CPQ: variants seen among roughly 807,000 people sequenced by gnomAD.
CPQ encodes Ser-Met dipeptidase.
CPQ carries 37 observed loss-of-function variants against 45.7 expected under a neutral mutation model. That is an observed-to-expected ratio of 0.81 (90% confidence interval 0.62 to 1.07). The LOEUF is 1.07. Among genes scored for constraint, CPQ ranks in the 50% least tolerant of loss-of-function variants. CPQ has a pLI of 0.00. For synonymous variants in CPQ, 186 were observed against 205.8 expected, an observed-to-expected ratio of 0.90 and a Z score of 0.82; for missense variants, 537 against 572.9, an observed-to-expected ratio of 0.94 and a Z score of 0.64.
intron 5 of CPQ, among the ~76,000 whole-genome samples, chr8:97,023,127 A>G (rs139658297): frequency 8.4e-4 from 122 of 145,924 alleles, no homozygotes; most frequent in African/African-American, 2.9e-3. Context: ...TATATATACT[A>G]TATATGTTAC....
chr8:96,655,561 T>G (rs1351536672), intron 1 of CPQ, among the ~76,000 whole-genome samples: 1 of 152,212 alleles, frequency 6.6e-6, no homozygotes, highest in Non-Finnish European at 1.5e-5. Context: ...AGATCTTCAT[T>G]TTTTAGTCTG....
intron 1 of CPQ, among the ~76,000 whole-genome samples, chr8:96,662,879 T>G (rs541544825): frequency 5.9e-5 from 9 of 152,216 alleles, no homozygotes; most frequent in Non-Finnish European, 1.3e-4. Context: ...TCCCAGCTAC[T>G]TGAGAGGCTG....
chr8:97,051,995 G>T (rs1324342482), intron 6 of CPQ, among the ~76,000 whole-genome samples: 2 of 152,142 alleles, frequency 1.3e-5, no homozygotes, highest in African/African-American at 4.8e-5. Context: ...TGGAGGAGAG[G>T]TCTGAGTGTC....
chr8:96,649,615 G>T (rs780449710), intron 1 of CPQ, among the ~76,000 whole-genome samples: 10 of 152,230 alleles, frequency 6.6e-5, no homozygotes, highest in Non-Finnish European at 1.3e-4. Context: ...TGAGGAAGAA[G>T]TTTCGGGAGA....
intron 1 of CPQ, among the ~76,000 whole-genome samples, chr8:96,691,410 A>G (rs1809303473): frequency 1.3e-5 from 2 of 152,062 alleles, no homozygotes; most frequent in Admixed American, 1.3e-4. Flanking sequence ...TTTTTTGAAT[A>G]AGGTTATACT....
At chr8:97,028,894 C>T (rs1368339714) in intron 5 of CPQ, among the ~76,000 whole-genome samples, 1 of 152,196 alleles carries the variant, frequency 6.6e-6, no homozygotes, top group African/African-American at 2.4e-5. Flanking sequence ...ATAACTGTTG[C>T]ATCTGCTTTT....
intron 3 of CPQ, among the ~76,000 whole-genome samples, chr8:96,840,904 G>A (rs1160118451): frequency 1.3e-5 from 2 of 152,214 alleles, no homozygotes; most frequent in African/African-American, 4.8e-5. Context: ...TGGTTTTAGA[G>A]AAAAACCAGA....
chr8:96,905,759 CCAAAAAAAAAA>C (rs201132692), intron 4 of CPQ, among the ~76,000 whole-genome samples: 3,077 of 115,752 alleles, frequency 0.027, 53 homozygotes, highest in South Asian at 0.039. Context: ...CCTGTCTTAA[CCAAAAAAAAAA>C]AAAAAAAAAA....
intron 1 of CPQ, among the ~76,000 whole-genome samples, chr8:96,714,698 G>C (rs1333307770): frequency 6.6e-6 from 1 of 151,802 alleles, no homozygotes; most frequent in African/African-American, 2.4e-5. Flanking sequence ...ACCTTTTGGG[G>C]GTTGTTATAG....
rs189906007 is a variant in CPQ, at chr8:96,788,213, C to A, written c.433+2883C>A. Among the ~76,000 whole-genome samples the A allele has an allele frequency of 1.4e-3, 213 of 150,326 alleles. 3 individuals are homozygous for A. Among genetic ancestry groups the A allele is most frequent in the Admixed American group, 0.011 (165 of 15,078 alleles). On this transcript the variant is annotated intron_variant, in intron 2 of 7. Transcript: ENST00000220763. ...CACTCTTGTTGCCTAGGCTGGAGTGCAATGGCACAATCTCAGCTCACTGCA... is the reference window on the plus strand; with the variant it reads ...CACTCTTGTTGCCTAGGCTGGAGTGAAATGGCACAATCTCAGCTCACTGCA...
chr8:97,053,285 A>G (rs1810393018), intron 6 of CPQ, among the ~76,000 whole-genome samples: 1 of 152,226 alleles, frequency 6.6e-6, no homozygotes, highest in Non-Finnish European at 1.5e-5. Context: ...ATCAAGACTG[A>G]TAATAAATTG....
chr8:96,933,096 T>C (rs533928113), intron 4 of CPQ, among the ~76,000 whole-genome samples: 1 of 152,216 alleles, frequency 6.6e-6, no homozygotes, highest in Non-Finnish European at 1.5e-5. Context: ...CCACTGAATG[T>C]TTGCAAAGAA....
intron 4 of CPQ, among the ~76,000 whole-genome samples, chr8:96,921,797 A>G (rs937979057): frequency 3.3e-5 from 5 of 152,164 alleles, no homozygotes; most frequent in Admixed American, 1.3e-4. Context: ...AAAATAATAT[A>G]GTAAGCAACC....
chr8:96,790,138 G>A (rs142871274), intron 2 of CPQ, among the ~76,000 whole-genome samples: 126 of 152,208 alleles, frequency 8.3e-4, no homozygotes, highest in African/African-American at 2.9e-3. Flanking sequence ...GGAATTCTCC[G>A]TTCTCTGCAC....
intron 1 of CPQ, among the ~76,000 whole-genome samples, chr8:96,696,988 A>C (rs1405667091): frequency 6.6e-6 from 1 of 152,216 alleles, no homozygotes; most frequent in Non-Finnish European, 1.5e-5. Context: ...AAAATAGAGG[A>C]GGAAAGAATA....
At chr8:97,068,787 T>G (rs957699229) in intron 7 of CPQ, among the ~76,000 whole-genome samples, 1 of 152,226 alleles carries the variant, frequency 6.6e-6, no homozygotes, top group African/African-American at 2.4e-5. Context: ...ATTTTGCAGA[T>G]GAAGAAACAG....
intron 7 of CPQ, among the ~76,000 whole-genome samples, chr8:97,067,139 C>T (rs755436117): frequency 3.9e-5 from 6 of 151,984 alleles, no homozygotes; most frequent in Non-Finnish European, 8.8e-5. Context: ...GTTGCCCAGG[C>T]TGGTCTCCAA....
chr8:96,901,359 A>G (rs1812510441), intron 4 of CPQ, among the ~76,000 whole-genome samples: 1 of 152,264 alleles, frequency 6.6e-6, no homozygotes, highest in East Asian at 1.9e-4. Flanking sequence ...GTTCATTCCC[A>G]GGGCATAAAC....
intron 2 of CPQ, among the ~76,000 whole-genome samples, chr8:96,794,640 C>T (rs1810900692): frequency 6.6e-6 from 1 of 152,210 alleles, no homozygotes; most frequent in African/African-American, 2.4e-5. Context: ...TTTACTATCA[C>T]ATTGTCAGGC....
Sources: allele counts gnomAD v4.1 joint callset (sites outside exome capture counted in the v4.1 genomes callset), GRCh38; gene constraint gnomAD v4.1.1; transcripts MANE v1.5; gene names NCBI Gene and HGNC (gene_info 2026-07-23, HGNC 2026-07-21).